Variants in PALMD observed in about 807,000 individuals in gnomAD.
The protein encoded by PALMD is palmdelphin.
In PALMD, 42 loss-of-function variants were observed where a neutral mutation model predicts 56.2. That is an observed-to-expected ratio of 0.75 (90% CI 0.58 to 0.97). PALMD has a LOEUF of 0.97. PALMD is among the 50% of genes least tolerant of loss of function. PALMD has a pLI of 0.00. For missense variants in PALMD, 660 were observed against 643.8 expected, an observed-to-expected ratio of 1.03 and a Z score of -0.27; for synonymous variants, 242 against 222.9, an observed-to-expected ratio of 1.09 and a Z score of -0.76.
chr1:99,684,336 C>T (rs1049914547), intron 3 of PALMD: 1 of 152,176 alleles, frequency 6.6e-6, no homozygotes, highest in African/African-American at 2.4e-5. Context: ...TATTTGGCAT[C>T]CGGCCCCTTA....
intron 1 of PALMD, among the ~76,000 whole-genome samples, chr1:99,650,306 A>G (rs1652538580): frequency 4.6e-5 from 2 of 43,876 alleles, no homozygotes; most frequent in Non-Finnish European, 6.2e-5. Flanking sequence ...AAAAAAAAAA[A>G]AAAAAAAAAA....
At chr1:99,687,044 A>G in intron 5 of PALMD, 32 bp from the exon 6 acceptor site, 1 of 1,524,532 alleles carries the variant, frequency 6.6e-7, no homozygotes, top group South Asian at 1.2e-5. Flanking sequence ...AATATATTCT[A>G]AATGTATTTT....
intron 1 of PALMD, among the ~76,000 whole-genome samples, chr1:99,649,883 T>A (rs1315257618): frequency 6.6e-6 from 1 of 152,126 alleles, no homozygotes; most frequent in African/African-American, 2.4e-5. Context: ...AAGCTGACAT[T>A]TTTATTCTCC....
intron 3 of PALMD, among the ~76,000 whole-genome samples, chr1:99,670,093 G>A (rs1653050745): frequency 6.6e-6 from 1 of 152,178 alleles, no homozygotes; most frequent in Non-Finnish European, 1.5e-5. Context: ...AATCTTTGAA[G>A]TGTGTTCTGT....
intron 1 of PALMD, among the ~76,000 whole-genome samples, chr1:99,655,696 T>C (rs544273301): frequency 2.6e-5 from 4 of 152,304 alleles, no homozygotes; most frequent in Admixed American, 2.6e-4. Flanking sequence ...ATGAAACCCA[T>C]CAGAGACTGA....
At chr1:99,688,573 C>A (rs6700422) in intron 6 of PALMD, among the ~76,000 whole-genome samples, 4,628 of 152,182 alleles carry the variant, frequency 0.03, 207 homozygotes, top group African/African-American at 0.1. Flanking sequence ...GTACAATTCC[C>A]TACACCATTA....
intron 1 of PALMD, among the ~76,000 whole-genome samples, chr1:99,655,318 TAATA>T (rs1320690443): frequency 6.6e-6 from 1 of 152,156 alleles, no homozygotes; most frequent in Non-Finnish European, 1.5e-5. Flanking sequence ...ATAAAAAACT[TAATA>T]AATGTTATTA....
At chr1:99,682,723 A>G (rs12067797) in intron 3 of PALMD, among the ~76,000 whole-genome samples, 9,909 of 152,006 alleles carry the variant, frequency 0.065, 620 homozygotes, top group African/African-American at 0.17. Context: ...GGAAGAAACT[A>G]GCTGAAGTCA....
intron 1 of PALMD, among the ~76,000 whole-genome samples, chr1:99,654,874 C>T (rs12065404): frequency 0.011 from 1,623 of 152,104 alleles, 30 homozygotes; most frequent in African/African-American, 0.037. Flanking sequence ...AAGGAATTAG[C>T]TGGGTTTTCA....
intron 3 of PALMD, among the ~76,000 whole-genome samples, chr1:99,681,210 C>T (rs534837764): frequency 2.0e-5 from 3 of 151,772 alleles, no homozygotes; most frequent in African/African-American, 7.3e-5. Context: ...GCAGAAAAAT[C>T]CCCAGTACAA....
At chr1:99,666,015 G>A (rs1047997429) in intron 2 of PALMD, among the ~76,000 whole-genome samples, 4 of 152,048 alleles carry the variant, frequency 2.6e-5, no homozygotes, top group South Asian at 2.1e-4. Flanking sequence ...GATGTATATC[G>A]TCCACATGCA....
chr1:99,663,529 AC>A (rs970761573), intron 2 of PALMD, among the ~76,000 whole-genome samples: 1 of 151,920 alleles, frequency 6.6e-6, no homozygotes, highest in Non-Finnish European at 1.5e-5. Context: ...TCACTCCAAA[AC>A]CAGAGGTCAT....
At chr1:99,656,043 T>A (rs1370681464) in intron 1 of PALMD, among the ~76,000 whole-genome samples, 1 of 152,196 alleles carries the variant, frequency 6.6e-6, no homozygotes, top group Non-Finnish European at 1.5e-5. Flanking sequence ...ATTTACACTA[T>A]TACAAGGTGT....
intron 1 of PALMD, among the ~76,000 whole-genome samples, chr1:99,650,370 C>T (rs1452070889): frequency 1.4e-5 from 2 of 148,086 alleles, no homozygotes; most frequent in South Asian, 2.2e-4. Flanking sequence ...CTCCCAAATA[C>T]CCAAATAAAT....
intron 1 of PALMD, among the ~76,000 whole-genome samples, chr1:99,652,821 G>A (rs1387569918): frequency 1.3e-5 from 2 of 152,044 alleles, no homozygotes; most frequent in Non-Finnish European, 2.9e-5. Context: ...ACTATGGAGG[G>A]TCTGCTTTGC....
chr1:99,653,141 C>A (rs1167056669), intron 1 of PALMD, among the ~76,000 whole-genome samples: 2 of 152,096 alleles, frequency 1.3e-5, no homozygotes, highest in African/African-American at 4.8e-5. Context: ...GAGCTCAACA[C>A]TAGCTGGAGC....
intron 1 of PALMD, among the ~76,000 whole-genome samples, chr1:99,655,138 T>C (rs1652689923): frequency 6.6e-6 from 1 of 152,014 alleles, no homozygotes; most frequent in African/African-American, 2.4e-5. Flanking sequence ...ACTAAGTCAA[T>C]AGGAAAGAAT....
At chr1:99,660,944 G>C (rs990987435) in intron 1 of PALMD, among the ~76,000 whole-genome samples, 1 of 152,164 alleles carries the variant, frequency 6.6e-6, no homozygotes, top group Non-Finnish European at 1.5e-5. Flanking sequence ...TACATGCAAA[G>C]AGAAACACAG....
intron 1 of PALMD, among the ~76,000 whole-genome samples, chr1:99,651,383 T>C (rs1205834681): frequency 2.6e-5 from 4 of 152,196 alleles, no homozygotes; most frequent in Admixed American, 2.6e-4. Flanking sequence ...CTTTGCTAAC[T>C]CCTCTACTGA....
Sources: allele counts gnomAD v4.1 joint callset (sites outside exome capture counted in the v4.1 genomes callset), GRCh38; gene constraint gnomAD v4.1.1; transcripts MANE v1.5; gene names NCBI Gene and HGNC (gene_info 2026-07-23, HGNC 2026-07-21).